Variants in HSD17B12 observed in about 807,000 individuals in gnomAD.
HSD17B12 encodes hydroxysteroid 17-beta dehydrogenase 12.
In HSD17B12, 32 loss-of-function variants were observed where a neutral mutation model predicts 39.3. That is an observed-to-expected ratio of 0.81 (90% CI 0.61 to 1.09). The LOEUF (loss-of-function observed/expected upper bound fraction) is 1.09, where lower values mean the gene tolerates loss of function less well. Ranked by LOEUF, HSD17B12 falls within the 50% of genes least tolerant of loss-of-function variation. HSD17B12 has a pLI of 0.00. For synonymous variants in HSD17B12, 150 were observed against 146.7 expected, an observed-to-expected ratio of 1.02 and a Z score of -0.16; for missense variants, 342 against 382.9, an observed-to-expected ratio of 0.89 and a Z score of 0.89.
chr11:43,636,915 A>G, the HSD17B12 span, among the ~76,000 whole-genome samples: 4 of 152,216 alleles, frequency 2.6e-5, no homozygotes, highest in African/African-American at 9.6e-5. Context: ...AAATCACCTC[A>G]TCTGGGAGGC....
At chr11:43,840,173 G>T in intron 9 of HSD17B12, 109 bp downstream of exon 9, 1 of 809,618 alleles carries the variant, frequency 1.2e-6, no homozygotes, top group Non-Finnish European at 2.0e-6. Context: ...GTAAGTGAAT[G>T]TGACATTAGC....
intron 1 of HSD17B12, among the ~76,000 whole-genome samples, chr11:43,737,361 G>T (rs917563327): frequency 1.3e-5 from 2 of 152,166 alleles, no homozygotes; most frequent in African/African-American, 4.8e-5. Context: ...ACAAACTAAA[G>T]TATTTTTGTT....
the HSD17B12 span, among the ~76,000 whole-genome samples, chr11:43,605,623 T>C: frequency 6.6e-6 from 1 of 151,992 alleles, no homozygotes. Context: ...CAGGCTGTGT[T>C]GTCTCAGGCA....
the HSD17B12 span, among the ~76,000 whole-genome samples, chr11:43,588,960 C>T: frequency 1.4e-5 from 2 of 147,348 alleles, no homozygotes; most frequent in Admixed American, 7.0e-5. Context: ...ATTGTTTTTG[C>T]AAATCACTCT....
At chr11:43,564,556 G>C in the HSD17B12 span, among the ~76,000 whole-genome samples, 1 of 152,166 alleles carries the variant, frequency 6.6e-6, no homozygotes, top group East Asian at 1.9e-4. Context: ...GTTGCAGCAT[G>C]ATGAAGGCTG....
intron 1 of HSD17B12, among the ~76,000 whole-genome samples, chr11:43,725,302 T>G (rs1403015741): frequency 6.6e-6 from 1 of 152,168 alleles, no homozygotes; most frequent in Admixed American, 6.5e-5. Flanking sequence ...ATTGCAAAGG[T>G]TAAAAAAGAT....
intron 3 of HSD17B12, among the ~76,000 whole-genome samples, chr11:43,759,894 A>ATT (rs759446486): frequency 1.4e-5 from 2 of 142,502 alleles, no homozygotes; most frequent in African/African-American, 5.1e-5. Context: ...CACTTGGCTG[A>ATT]TTTTTTTTTT....
the HSD17B12 span, among the ~76,000 whole-genome samples, chr11:43,599,990 TA>T: frequency 1.3e-5 from 2 of 152,226 alleles, no homozygotes; most frequent in African/African-American, 2.4e-5. Flanking sequence ...CATTATCCTT[TA>T]CCCTGGGTTA....
the HSD17B12 span, among the ~76,000 whole-genome samples, chr11:43,595,013 C>T: frequency 3.3e-5 from 5 of 152,148 alleles, no homozygotes; most frequent in African/African-American, 9.7e-5. Flanking sequence ...TTGGGTAAAA[C>T]GGTCTTGGTG....
chr11:43,770,155 A>G (rs953970980), intron 3 of HSD17B12, among the ~76,000 whole-genome samples: 2 of 152,186 alleles, frequency 1.3e-5, no homozygotes, highest in African/African-American at 2.4e-5. Context: ...ATATGTCTCA[A>G]ACAGTTACAC....
chr11:43,567,948 CAAGAG>C, the HSD17B12 span, among the ~76,000 whole-genome samples: 2 of 152,118 alleles, frequency 1.3e-5, no homozygotes, highest in Non-Finnish European at 1.5e-5. Context: ...AGTGACAACT[CAAGAG>C]AAGCAAGAGT....
chr11:43,600,459 A>G, the HSD17B12 span, among the ~76,000 whole-genome samples: 1 of 151,936 alleles, frequency 6.6e-6, no homozygotes, highest in Admixed American at 6.6e-5. Flanking sequence ...CATGGTGTTG[A>G]ATGTTGCGGA....
At chr11:43,631,952 T>C in the HSD17B12 span, among the ~76,000 whole-genome samples, 10 of 152,112 alleles carry the variant, frequency 6.6e-5, no homozygotes, top group East Asian at 1.9e-3. Flanking sequence ...CACACCTGGG[T>C]TGGAGAGGGC....
At chr11:43,742,336 C>T (rs1950375600) in intron 1 of HSD17B12, among the ~76,000 whole-genome samples, 1 of 151,050 alleles carries the variant, frequency 6.6e-6, no homozygotes, top group African/African-American at 2.4e-5. Flanking sequence ...GGATTGGGGT[C>T]TCGCTATGTT....
Position 43,838,323 on chromosome 11 carries a change from A to G in HSD17B12, c.543A>G (p.Lys181=). 1 of 1,612,234 alleles carries G rather than the reference A, an allele frequency of 6.2e-7. No homozygotes were observed. Among genetic ancestry groups the G allele is most frequent in the Non-Finnish European group, 8.5e-7 (1 of 1,178,472 alleles). ...LVLPGMVERS[K]GAILNISSGS... ...GGTACATTTTCCTTTTTAGATCCAA[A>G]GGGGCTATTCTGAACATTTCATCTG... The change falls in exon 8 of 11, where the codon AAA becomes AAG. Residue 181 remains lysine (K), a synonymous_variant. Coordinates refer to ENST00000278353, the MANE Select transcript of HSD17B12 (RefSeq NM_016142.3).
At chr11:43,573,606 G>A in the HSD17B12 span, among the ~76,000 whole-genome samples, 1 of 152,264 alleles carries the variant, frequency 6.6e-6, no homozygotes, top group East Asian at 1.9e-4. Flanking sequence ...TTGCTTAAAA[G>A]TTGTTAAGTG....
intron 1 of HSD17B12, among the ~76,000 whole-genome samples, chr11:43,747,226 C>G (rs1950420200): frequency 6.6e-6 from 1 of 152,134 alleles, no homozygotes; most frequent in African/African-American, 2.4e-5. Flanking sequence ...TAGAATCTTA[C>G]AGAAGAATTA....
At chr11:43,803,696 G>A (rs1467668014) in intron 4 of HSD17B12, among the ~76,000 whole-genome samples, 1 of 152,144 alleles carries the variant, frequency 6.6e-6, no homozygotes, top group Non-Finnish European at 1.5e-5. Context: ...GCCATGAATT[G>A]TGAGAATTTA....
At chr11:43,566,807 C>T in the HSD17B12 span, among the ~76,000 whole-genome samples, 2 of 152,174 alleles carry the variant, frequency 1.3e-5, no homozygotes, top group African/African-American at 2.4e-5. Context: ...GGATTGCAGG[C>T]GTGAGCCACC....
Sources: allele counts gnomAD v4.1 joint callset (sites outside exome capture counted in the v4.1 genomes callset), GRCh38; gene constraint gnomAD v4.1.1; transcripts MANE v1.5; gene names NCBI Gene and HGNC (gene_info 2026-07-23, HGNC 2026-07-21).